The following TENM3 variants were observed in gnomAD, a reference collection of about 807,000 sequenced individuals.
The protein encoded by TENM3 is teneurin transmembrane protein 3.
Under a neutral mutation model 255.1 loss-of-function variants are expected in TENM3, and 63 were observed. The ratio of observed to expected loss-of-function variants is 0.25; its 90% CI spans 0.20 to 0.30. TENM3 has a LOEUF of 0.30. TENM3 is among the 10% of genes least tolerant of loss of function. The pLI is 1.00. For missense variants in TENM3, 2,929 were observed against 3,461.1 expected, an observed-to-expected ratio of 0.85 and a Z score of 3.86; for synonymous variants, 1,306 against 1,322.3, an observed-to-expected ratio of 0.99 and a Z score of 0.27.
the TENM3 span, among the ~76,000 whole-genome samples, chr4:182,082,454 C>G: frequency 6.6e-6 from 1 of 152,152 alleles, no homozygotes; most frequent in East Asian, 1.9e-4. Context: ...CATTCATGTA[C>G]TCACCACCCA....
the TENM3 span, among the ~76,000 whole-genome samples, chr4:181,811,549 T>C: frequency 6.6e-6 from 1 of 152,362 alleles, no homozygotes; most frequent in South Asian, 2.1e-4. Flanking sequence ...TGCCTGAGAC[T>C]GGGTAATTTA....
chr4:182,203,391 C>T (rs1754334676), intron 1 of TENM3, among the ~76,000 whole-genome samples: 1 of 152,162 alleles, frequency 6.6e-6, no homozygotes, highest in Admixed American at 6.5e-5. Context: ...TAGCTTCCTT[C>T]ACCATCCCCT....
chr4:181,624,944 A>G, the TENM3 span, among the ~76,000 whole-genome samples: 1 of 152,190 alleles, frequency 6.6e-6, no homozygotes, highest in Non-Finnish European at 1.5e-5. Context: ...TTCCTCAAGG[A>G]GTCCAACCCA....
chr4:182,392,435 G>T (rs1209940435), intron 3 of TENM3, among the ~76,000 whole-genome samples: 1 of 152,180 alleles, frequency 6.6e-6, no homozygotes, highest in Non-Finnish European at 1.5e-5. Context: ...AACTTTAATG[G>T]GTTTAATTAC....
the TENM3 span, among the ~76,000 whole-genome samples, chr4:181,670,260 G>A: frequency 2.3e-4 from 35 of 152,250 alleles, no homozygotes; most frequent in East Asian, 5.4e-3. Flanking sequence ...TGAAAAATGA[G>A]GAGGTAAAAG....
intron 3 of TENM3, among the ~76,000 whole-genome samples, chr4:182,483,854 G>A (rs185361112): frequency 6.6e-6 from 1 of 152,160 alleles, no homozygotes; most frequent in East Asian, 1.9e-4. Context: ...AGAGTGAAGG[G>A]AGAAGTGCTA....
the TENM3 span, among the ~76,000 whole-genome samples, chr4:181,513,725 A>C: frequency 6.6e-6 from 1 of 152,336 alleles, no homozygotes; most frequent in African/African-American, 2.4e-5. Flanking sequence ...CATTGTCATA[A>C]AACAGCTGAG....
At chr4:182,407,915 C>T (rs1769696724) in intron 3 of TENM3, among the ~76,000 whole-genome samples, 1 of 152,176 alleles carries the variant, frequency 6.6e-6, no homozygotes, top group African/African-American at 2.4e-5. Flanking sequence ...ATTGAAAATA[C>T]CTTTCAAAAT....
intron 3 of TENM3, among the ~76,000 whole-genome samples, chr4:182,583,744 T>C (rs1165188676): frequency 6.6e-6 from 1 of 152,130 alleles, no homozygotes; most frequent in Non-Finnish European, 1.5e-5. Flanking sequence ...AATTAGTAAT[T>C]ATATTTTAAA....
chr4:181,633,879 A>G, the TENM3 span, among the ~76,000 whole-genome samples: 37 of 152,328 alleles, frequency 2.4e-4, no homozygotes, highest in African/African-American at 7.9e-4. Flanking sequence ...CAACAAACTA[A>G]TGTTCTTTAT....
At chr4:181,781,990 GC>G in the TENM3 span, among the ~76,000 whole-genome samples, 1 of 152,182 alleles carries the variant, frequency 6.6e-6, no homozygotes, top group Admixed American at 6.5e-5. Context: ...TGGTGGATAA[GC>G]TTTTTGATGT....
chr4:182,441,026 G>A (rs1004147270), intron 3 of TENM3, among the ~76,000 whole-genome samples: 1 of 152,056 alleles, frequency 6.6e-6, no homozygotes, highest in Admixed American at 6.5e-5. Context: ...ACATTGTAAT[G>A]TATTACTTGG....
At chr4:181,696,638 C>CTTAT in the TENM3 span, among the ~76,000 whole-genome samples, 1 of 152,194 alleles carries the variant, frequency 6.6e-6, no homozygotes, top group African/African-American at 2.4e-5. Context: ...ATTTGATTTA[C>CTTAT]TTATATTCTC....
At chr4:181,886,932 G>A in the TENM3 span, among the ~76,000 whole-genome samples, 33 of 152,046 alleles carry the variant, frequency 2.2e-4, no homozygotes, top group African/African-American at 8.0e-4. Flanking sequence ...TTTACCATGA[G>A]GAAAGTTTTC....
At chr4:182,528,316 C>T (rs2151826195) in intron 3 of TENM3, among the ~76,000 whole-genome samples, 1 of 152,230 alleles carries the variant, frequency 6.6e-6, no homozygotes, top group African/African-American at 2.4e-5. Context: ...CAGGGTTTCA[C>T]AGTGTCGGCC....
chr4:182,514,757 A>AT (rs1553969742), intron 3 of TENM3, among the ~76,000 whole-genome samples: 1 of 152,146 alleles, frequency 6.6e-6, no homozygotes, highest in Non-Finnish European at 1.5e-5. Flanking sequence ...TTAAAAAAAA[A>AT]CTCAGACTTG....
intron 1 of TENM3, among the ~76,000 whole-genome samples, chr4:182,206,967 A>G (rs1456500287): frequency 6.6e-6 from 1 of 152,178 alleles, no homozygotes; most frequent in Non-Finnish European, 1.5e-5. Flanking sequence ...CACTCAACAT[A>G]AGCATGAGAT....
intron 3 of TENM3, among the ~76,000 whole-genome samples, chr4:182,463,002 C>G (rs114102765): frequency 6.6e-6 from 1 of 152,056 alleles, no homozygotes; most frequent in Non-Finnish European, 1.5e-5. Context: ...ATACTAAAGG[C>G]CTGCAGTCAT....
At chr4:182,280,075 C>A (rs2150265112) in intron 1 of TENM3, among the ~76,000 whole-genome samples, 1 of 152,298 alleles carries the variant, frequency 6.6e-6, no homozygotes, top group South Asian at 2.1e-4. Flanking sequence ...GTGTCCTTTT[C>A]ATCACCAGGT....
Sources: allele counts gnomAD v4.1 joint callset (sites outside exome capture counted in the v4.1 genomes callset), GRCh38; gene constraint gnomAD v4.1.1; transcripts MANE v1.5; gene names NCBI Gene and HGNC (gene_info 2026-07-23, HGNC 2026-07-21).